TMEM45A: variants seen among roughly 807,000 people sequenced by gnomAD.
TMEM45A encodes the protein transmembrane protein 45A, also known as DNA polymerase-transactivated protein 4.
Under a neutral mutation model 32.0 loss-of-function variants are expected in TMEM45A, and 25 were observed. The observed-to-expected ratio is 0.78, with a 90% CI of 0.57 to 1.09. The LOEUF is 1.09. Among genes scored for constraint, TMEM45A ranks in the 50% least tolerant of loss-of-function variants. The pLI, the probability that TMEM45A is intolerant of heterozygous loss-of-function variation, is 0.00. For synonymous variants in TMEM45A, 122 were observed against 114.8 expected (o/e 1.06, Z -0.40); for missense variants, 302 against 325.0 (o/e 0.93, Z 0.54).
intron 5 of TMEM45A, chr3:100,573,308 G>T (rs1310069889): frequency 6.6e-6 from 1 of 151,376 alleles, no homozygotes; most frequent in Non-Finnish European, 1.5e-5. Context: ...CCTTGAAGAG[G>T]TCCTTCACAT....
intron 1 of TMEM45A, among the ~76,000 whole-genome samples, chr3:100,517,377 C>T (rs1454555188): frequency 6.6e-6 from 1 of 152,184 alleles, no homozygotes; most frequent in Non-Finnish European, 1.5e-5. Context: ...TAAGCCACCG[C>T]ACCCGGCTGG....
At chr3:100,494,678 C>T (rs1707896991) in intron 1 of TMEM45A, among the ~76,000 whole-genome samples, 1 of 151,942 alleles carries the variant, frequency 6.6e-6, no homozygotes, top group African/African-American at 2.4e-5. Flanking sequence ...AAAGGTAATG[C>T]ATACAAAGTG....
chr3:100,553,736 C>T (rs181409225), intron 1 of TMEM45A, among the ~76,000 whole-genome samples: 82 of 152,246 alleles, frequency 5.4e-4, no homozygotes, highest in Admixed American at 1.9e-3. Flanking sequence ...AGAAACATGA[C>T]GCAAACACAC....
chr3:100,522,268 C>T (rs1705451541), intron 1 of TMEM45A, among the ~76,000 whole-genome samples: 2 of 152,168 alleles, frequency 1.3e-5, no homozygotes, highest in Non-Finnish European at 2.9e-5. Flanking sequence ...TGGCCCTTGA[C>T]CTGTGAGTCA....
intron 1 of TMEM45A, among the ~76,000 whole-genome samples, chr3:100,501,971 C>A (rs1708013710): frequency 6.6e-6 from 1 of 152,184 alleles, no homozygotes; most frequent in South Asian, 2.1e-4. Flanking sequence ...GAAAAAGAAA[C>A]CAAGGTGAAA....
chr3:100,564,749 G>C (rs140218463), intron 4 of TMEM45A, among the ~76,000 whole-genome samples: 1 of 152,188 alleles, frequency 6.6e-6, no homozygotes, highest in Non-Finnish European at 1.5e-5. Context: ...CTCCCAAAGT[G>C]CTGGGATTAC....
intron 1 of TMEM45A, among the ~76,000 whole-genome samples, chr3:100,548,370 T>C (rs1036218161): frequency 1.3e-5 from 2 of 152,154 alleles, no homozygotes; most frequent in African/African-American, 4.8e-5. Context: ...GGCACTATCA[T>C]CTGCAAAAAG....
intron 3 of TMEM45A, 46 bp from the exon 4 acceptor site, chr3:100,558,359 G>C (rs1346050865): frequency 1.2e-6 from 2 of 1,603,618 alleles, no homozygotes; most frequent in Non-Finnish European, 8.5e-7. Context: ...AACAGTGGGT[G>C]GTCCTTGGTT....
intron 1 of TMEM45A, among the ~76,000 whole-genome samples, chr3:100,547,621 C>G (rs747318422): frequency 7.9e-5 from 12 of 151,756 alleles, no homozygotes; most frequent in Non-Finnish European, 1.3e-4. Flanking sequence ...TTCTTGCTGA[C>G]TTGGGGGTGG....
intron 1 of TMEM45A, among the ~76,000 whole-genome samples, chr3:100,506,956 G>A (rs970340335): frequency 1.3e-5 from 2 of 152,182 alleles, no homozygotes; most frequent in African/African-American, 2.4e-5. Flanking sequence ...AGTGAGTAAA[G>A]TCTTGTTAGG....
At chr3:100,538,891 A>AT (rs1340560993) in intron 1 of TMEM45A, among the ~76,000 whole-genome samples, 1 of 152,070 alleles carries the variant, frequency 6.6e-6, no homozygotes, top group Non-Finnish European at 1.5e-5. Context: ...TATAAATTTA[A>AT]TAAAATATAT....
At chr3:100,568,494 T>C (rs768785375) in intron 4 of TMEM45A, among the ~76,000 whole-genome samples, 26 of 152,238 alleles carry the variant, frequency 1.7e-4, no homozygotes, top group South Asian at 4.1e-4. Flanking sequence ...AAAACCTTTT[T>C]GTACTCCAAT....
At chr3:100,547,655 A>G (rs1254243792) in intron 1 of TMEM45A, among the ~76,000 whole-genome samples, 2 of 152,078 alleles carry the variant, frequency 1.3e-5, no homozygotes, top group Non-Finnish European at 1.5e-5. Context: ...AAACCCATGT[A>G]TAAGTGAACC....
intron 1 of TMEM45A, among the ~76,000 whole-genome samples, chr3:100,544,156 A>G (rs1705940371): frequency 6.6e-6 from 1 of 151,982 alleles, no homozygotes; most frequent in African/African-American, 2.4e-5. Flanking sequence ...TCCATCTCAC[A>G]TAAAATAAGA....
At position 100,523,276 on chromosome 3, in the gene TMEM45A, C is replaced by T. The variant is rs553100291; in HGVS notation, c.-4+30348C>T. ...AACTGGTCTGGGTGGAATTCAGCTA[C>T]TGCAAGAGTACATACTAGTCCTCTT... On this transcript the variant is annotated intron_variant, in intron 1 of 5. Coordinates refer to ENST00000323523, the MANE Select transcript of TMEM45A (RefSeq NM_018004.3). Among the ~76,000 whole-genome samples, 3 of 152,340 alleles carry T rather than the reference C, an allele frequency of 2.0e-5. No homozygotes were observed. The South Asian group carries it at 6.2e-4, about 32-fold the overall frequency.
chr3:100,564,219 A>T (rs1249292164), intron 4 of TMEM45A, among the ~76,000 whole-genome samples: 2 of 152,210 alleles, frequency 1.3e-5, no homozygotes, highest in African/African-American at 4.8e-5. Context: ...TGACTCTGAC[A>T]TTGGTTGACA....
At chr3:100,523,701 CCTCCTCCTCCTTTCTCCTCCTT>C (rs1457551259) in intron 1 of TMEM45A, among the ~76,000 whole-genome samples, 74 of 149,320 alleles carry the variant, frequency 5.0e-4, no homozygotes, top group Middle Eastern at 3.4e-3. Context: ...TTCTCCTTCT[CCTCCTCCTCCTTTCTCCTCCTT>C]CTCCTCCTCC....
chr3:100,562,313 G>A (rs995620334), intron 4 of TMEM45A, among the ~76,000 whole-genome samples: 2 of 152,120 alleles, frequency 1.3e-5, no homozygotes, highest in African/African-American at 4.8e-5. Flanking sequence ...ATGAGTTGTG[G>A]CAGTTTCTAG....
At chr3:100,555,744 A>G (rs1384105458) in intron 2 of TMEM45A, among the ~76,000 whole-genome samples, 3 of 152,170 alleles carry the variant, frequency 2.0e-5, no homozygotes, top group Admixed American at 2.0e-4. Flanking sequence ...TGTGTTCTTG[A>G]GAGTTCCACT....
Sources: allele counts gnomAD v4.1 joint callset (sites outside exome capture counted in the v4.1 genomes callset), GRCh38; gene constraint gnomAD v4.1.1; transcripts MANE v1.5; gene names NCBI Gene and HGNC (gene_info 2026-07-23, HGNC 2026-07-21).